AXDND1: variants seen among roughly 807,000 people sequenced by gnomAD.
The protein encoded by AXDND1 is axonemal dynein light chain domain-containing protein 1.
AXDND1 carries 110 observed loss-of-function variants against 137.5 expected under a neutral mutation model. The ratio of observed to expected loss-of-function variants is 0.80; its 90% CI spans 0.69 to 0.94. AXDND1 has a LOEUF of 0.94. AXDND1 is among the 40% of genes least tolerant of loss of function. AXDND1 has a pLI of 0.00. For synonymous variants in AXDND1, 414 were observed against 399.7 expected, an observed-to-expected ratio of 1.04 and a Z score of -0.43; for missense variants, 1,191 against 1,169.8, an observed-to-expected ratio of 1.02 and a Z score of -0.26.
At chr1:179,539,096 A>C (rs533997222) in intron 25 of AXDND1, among the ~76,000 whole-genome samples, 43 of 151,818 alleles carry the variant, frequency 2.8e-4, no homozygotes, top group African/African-American at 1.0e-3. Flanking sequence ...TGCACAGGAG[A>C]TGGGTCTCCT....
At chr1:179,426,546 T>A (rs1656595828) in intron 12 of AXDND1, among the ~76,000 whole-genome samples, 1 of 152,204 alleles carries the variant, frequency 6.6e-6, no homozygotes, top group Admixed American at 6.5e-5. Flanking sequence ...GCTAACAGTA[T>A]TTTAAATTTG....
At chr1:179,530,579 AT>A (rs1327241630) in intron 23 of AXDND1, among the ~76,000 whole-genome samples, 3 of 152,178 alleles carry the variant, frequency 2.0e-5, no homozygotes, top group Admixed American at 6.5e-5. Flanking sequence ...AGATACTGCC[AT>A]TCTGTGTGAC....
intron 20 of AXDND1, among the ~76,000 whole-genome samples, chr1:179,502,669 T>G (rs1036734989): frequency 6.6e-6 from 1 of 151,828 alleles, no homozygotes; most frequent in African/African-American, 2.4e-5. Context: ...GAATATAAAT[T>G]TGTACATCCA....
intron 3 of AXDND1, 53 bp downstream of exon 3, chr1:179,369,025 ATTATTCT>A: frequency 1.4e-6 from 2 of 1,476,396 alleles, no homozygotes; most frequent in East Asian, 2.3e-5. Context: ...TGGGCATCTG[ATTATTCT>A]TTAAGTATTT....
At chr1:179,432,392 T>C (rs759553905) in intron 15 of AXDND1, 50 bp downstream of exon 15, 4 of 1,489,832 alleles carry the variant, frequency 2.7e-6, no homozygotes, top group Non-Finnish European at 3.6e-6. Context: ...GATTGTAAAC[T>C]TGGCATTCCG....
chr1:179,401,814 T>C (rs560052282), intron 11 of AXDND1, among the ~76,000 whole-genome samples: 2 of 152,206 alleles, frequency 1.3e-5, no homozygotes, highest in African/African-American at 4.8e-5. Flanking sequence ...CCTTCCACCA[T>C]GATTGTGAGG....
At chr1:179,479,822 T>C (rs1177962728) in intron 17 of AXDND1, among the ~76,000 whole-genome samples, 5 of 152,156 alleles carry the variant, frequency 3.3e-5, no homozygotes, top group Non-Finnish European at 4.4e-5. Flanking sequence ...CCAGATATTC[T>C]AAATAATCTC....
At chr1:179,463,117 C>G (rs900420473) in intron 16 of AXDND1, among the ~76,000 whole-genome samples, 1 of 152,056 alleles carries the variant, frequency 6.6e-6, no homozygotes. Flanking sequence ...GTCTCTATCT[C>G]CTCAGTTCTG....
intron 18 of AXDND1, among the ~76,000 whole-genome samples, chr1:179,483,651 G>A (rs1410505868): frequency 6.6e-6 from 1 of 152,178 alleles, no homozygotes; most frequent in East Asian, 1.9e-4. Flanking sequence ...AAAAATGCTT[G>A]ATTTACCATT....
chr1:179,401,436 A>G (rs1163273772), intron 11 of AXDND1, among the ~76,000 whole-genome samples: 1 of 152,212 alleles, frequency 6.6e-6, no homozygotes, highest in Non-Finnish European at 1.5e-5. Context: ...CTTTTAATAC[A>G]GCCTATTCCT....
At chr1:179,443,156 G>A (rs1048613424) in intron 15 of AXDND1, among the ~76,000 whole-genome samples, 34 of 152,268 alleles carry the variant, frequency 2.2e-4, no homozygotes, top group South Asian at 1.9e-3. Context: ...GGTGGCAGGC[G>A]CAGTGTGAGT....
chr1:179,466,269 C>T, intron 16 of AXDND1, among the ~76,000 whole-genome samples: 1 of 130,148 alleles, frequency 7.7e-6, no homozygotes. Context: ...TCTTTTCTTT[C>T]TTTCTTCTTC....
intron 14 of AXDND1, 34 bp downstream of exon 14, chr1:179,430,640 A>T: frequency 6.3e-7 from 1 of 1,587,806 alleles, no homozygotes; most frequent in East Asian, 2.2e-5. Context: ...TTCTGATTAT[A>T]CTTATGTCTG....
At chr1:179,384,304 G>A (rs4424451) in intron 8 of AXDND1, among the ~76,000 whole-genome samples, 1 of 151,756 alleles carries the variant, frequency 6.6e-6, no homozygotes, top group Non-Finnish European at 1.5e-5. Flanking sequence ...AGAGTGAGTT[G>A]GAGACATCAT....
intron 25 of AXDND1, chr1:179,544,655 C>T (rs1352724261): frequency 2.0e-5 from 2 of 102,264 alleles, no homozygotes; most frequent in African/African-American, 8.0e-5. Flanking sequence ...ACCTGGGCAA[C>T]AGAGCAAGAC....
chr1:179,368,958 A>G lies in AXDND1; in HGVS notation c.256A>G (p.Ile86Val). The part of the protein sequence containing the change: ...CPENLLPPKK[I>V]KTPKGTLPRL... ...TGAAAACTTACTACCTCCTAAGAAA[A>G]TTAAAACCCCAAAGGTTTGTATGTA... Residue 86 changes from isoleucine (I) to valine (V), a missense_variant, in exon 3 of 26, where the codon ATT becomes GTT. Coordinates refer to ENST00000367618, the MANE Select transcript of AXDND1 (RefSeq NM_144696.6). 6.2e-7 allele frequency: 1 copy of G among 1,611,884 alleles called. No homozygotes were observed. Among genetic ancestry groups the G allele is most frequent in the Non-Finnish European group, 8.5e-7 (1 of 1,178,862 alleles).
At chr1:179,477,111 A>G (rs1369397310) in intron 17 of AXDND1, among the ~76,000 whole-genome samples, 1 of 151,606 alleles carries the variant, frequency 6.6e-6, no homozygotes, top group African/African-American at 2.4e-5. Context: ...GCCAGTTCAA[A>G]TTTACTGTTG....
intron 18 of AXDND1, among the ~76,000 whole-genome samples, chr1:179,491,261 A>G (rs1218234179): frequency 1.3e-5 from 2 of 152,084 alleles, no homozygotes; most frequent in African/African-American, 4.8e-5. Flanking sequence ...GCAGTGAGCT[A>G]TGATTATGCC....
chr1:179,482,046 G>A (rs924077500), intron 17 of AXDND1, among the ~76,000 whole-genome samples: 3 of 150,844 alleles, frequency 2.0e-5, no homozygotes, highest in Non-Finnish European at 2.9e-5. Flanking sequence ...ACATCTTCAG[G>A]CTACGTTGCA....
Sources: allele counts gnomAD v4.1 joint callset (sites outside exome capture counted in the v4.1 genomes callset), GRCh38; gene constraint gnomAD v4.1.1; transcripts MANE v1.5; gene names NCBI Gene and HGNC (gene_info 2026-07-23, HGNC 2026-07-21).